Variants in TMEM131 observed in about 807,000 individuals in gnomAD.
The protein encoded by TMEM131 is 2610524E03Rik.
Under a neutral mutation model 211.6 loss-of-function variants are expected in TMEM131, and 66 were observed. That is an observed-to-expected ratio of 0.31 (90% CI 0.26 to 0.38). The LOEUF (loss-of-function observed/expected upper bound fraction) is 0.38. TMEM131 is among the 10% of genes least tolerant of loss of function. TMEM131 has a pLI of 1.00. For synonymous variants in TMEM131, 844 were observed against 841.3 expected (o/e 1.00, Z -0.06); for missense variants, 2,036 against 2,299.3 (o/e 0.89, Z 2.34).
intron 1 of TMEM131, among the ~76,000 whole-genome samples, chr2:97,931,594 T>G (rs1032318268): frequency 6.6e-6 from 1 of 152,018 alleles, no homozygotes; most frequent in Non-Finnish European, 1.5e-5. Context: ...AGTAGAAAAA[T>G]TTATGCCATA....
intron 36 of TMEM131, 124 bp from the exon 37 acceptor site, chr2:97,761,038 C>T (rs1036816665): frequency 1.3e-5 from 17 of 1,310,620 alleles, no homozygotes; most frequent in Middle Eastern, 4.0e-4. Flanking sequence ...CACAGAGCAT[C>T]GCTCAGCCTC....
At chr2:97,944,397 T>A (rs948600269) in intron 1 of TMEM131, among the ~76,000 whole-genome samples, 5 of 152,160 alleles carry the variant, frequency 3.3e-5, no homozygotes, top group South Asian at 2.1e-4. Flanking sequence ...TAGATGTAAA[T>A]CTTCATAACC....
chr2:97,879,609 C>T (rs1674839384), intron 4 of TMEM131, among the ~76,000 whole-genome samples: 1 of 152,156 alleles, frequency 6.6e-6, no homozygotes, highest in African/African-American at 2.4e-5. Context: ...GATTTTCTTC[C>T]GCCTCTGCCA....
intron 1 of TMEM131, among the ~76,000 whole-genome samples, chr2:97,983,693 A>G (rs923994393): frequency 6.6e-6 from 1 of 152,204 alleles, no homozygotes. Flanking sequence ...TTTGATCACT[A>G]GAAGCAGGGA....
intron 7 of TMEM131, among the ~76,000 whole-genome samples, chr2:97,841,011 A>T (rs1331414874): frequency 6.6e-6 from 1 of 152,212 alleles, no homozygotes; most frequent in Non-Finnish European, 1.5e-5. Flanking sequence ...CCCTATACTT[A>T]CCACAAAATA....
intron 25 of TMEM131, among the ~76,000 whole-genome samples, chr2:97,798,401 T>C (rs976711859): frequency 6.6e-6 from 1 of 152,240 alleles, no homozygotes; most frequent in Non-Finnish European, 1.5e-5. Context: ...GCATTTTGTA[T>C]TGTTTTCTAC....
intron 11 of TMEM131, among the ~76,000 whole-genome samples, chr2:97,825,870 C>G (rs1246045938): frequency 6.6e-6 from 1 of 152,228 alleles, no homozygotes; most frequent in Non-Finnish European, 1.5e-5. Flanking sequence ...ACTGTCTGGA[C>G]TACTCATGAT....
intron 1 of TMEM131, among the ~76,000 whole-genome samples, chr2:97,975,010 CA>C (rs1679469916): frequency 6.6e-6 from 1 of 152,118 alleles, no homozygotes. Context: ...CAGCAGAAGA[CA>C]TATTCTTCTC....
At chr2:97,974,774 G>C (rs1342823165) in intron 1 of TMEM131, among the ~76,000 whole-genome samples, 3 of 150,606 alleles carry the variant, frequency 2.0e-5, no homozygotes, top group South Asian at 4.2e-4. Flanking sequence ...TGAGAACAAA[G>C]GCAAAATGAA....
chr2:97,914,828 C>T (rs1676441114), intron 2 of TMEM131, among the ~76,000 whole-genome samples: 1 of 152,204 alleles, frequency 6.6e-6, no homozygotes, highest in South Asian at 2.1e-4. Context: ...AACAGAGCTG[C>T]TATGAACATT....
chr2:97,856,680 A>G (rs1011388772), intron 5 of TMEM131, among the ~76,000 whole-genome samples: 1 of 152,210 alleles, frequency 6.6e-6, no homozygotes, highest in African/African-American at 2.4e-5. Context: ...AAGAAACTCT[A>G]TTCATCTTTC....
At chr2:97,890,067 G>C (rs540887900) in intron 3 of TMEM131, among the ~76,000 whole-genome samples, 93 of 152,342 alleles carry the variant, frequency 6.1e-4, no homozygotes, top group African/African-American at 2.1e-3. Flanking sequence ...CAAGGAGGCT[G>C]AAGTGACCAC....
At chr2:97,943,256 T>C (rs1677884507) in intron 1 of TMEM131, among the ~76,000 whole-genome samples, 1 of 151,918 alleles carries the variant, frequency 6.6e-6, no homozygotes. Context: ...TCTAAAAAAA[T>C]TTAAGTAACA....
At chr2:97,871,451 G>A (rs1674485988) in intron 4 of TMEM131, among the ~76,000 whole-genome samples, 1 of 152,206 alleles carries the variant, frequency 6.6e-6, no homozygotes, top group Admixed American at 6.5e-5. Context: ...AGGGGCCTGA[G>A]ATAACCGGAC....
chr2:97,938,966 T>C (rs1230286376), intron 1 of TMEM131, among the ~76,000 whole-genome samples: 2 of 152,198 alleles, frequency 1.3e-5, no homozygotes, highest in Non-Finnish European at 2.9e-5. Context: ...AATAAAGATG[T>C]TCTTTGAAAC....
intron 4 of TMEM131, among the ~76,000 whole-genome samples, chr2:97,875,943 A>T (rs948013729): frequency 6.6e-6 from 1 of 152,220 alleles, no homozygotes; most frequent in South Asian, 2.1e-4. Flanking sequence ...GTGTTTTTGA[A>T]AAGGTCAACA....
In TMEM131 at chr2:97,818,481, G is replaced by GAAA. The variant is rs1553601703; in HGVS notation, c.1183+131_1183+132insTTT. ...TTTACAGCGGGGGGGGGCGGGGGGG[G>GAAA]ATCAACCTAAGCAGTAATATAAATT... On this transcript the variant is annotated intron_variant, in intron 12 of 40. Transcript: ENST00000186436. 40 of 293,218 alleles carry GAAA rather than the reference G, an allele frequency of 1.4e-4. 1 individual carries two copies. The highest frequency in any genetic ancestry group is 4.5e-4 in the African/African-American group (9 of 20,068). The allele number at this position is 293,218 out of a possible 1,614,324, so 18.2% of individuals were successfully genotyped here.
rs138407888 is a variant in TMEM131, at chr2:97,790,974, T to C, written c.4144+1412A>G. 8.2e-3 allele frequency among the ~76,000 whole-genome samples: 1,255 copies of C among 152,320 alleles called. 8 individuals carry two copies. The highest frequency in any genetic ancestry group is 0.012 in the Non-Finnish European group (818 of 68,014). On this transcript the variant is annotated intron_variant, in intron 31 of 40. Transcript: ENST00000186436. ...TGACTCTGGGATGTCAAGTTTCTTC[T>C]GGCCTCTTAGGGCTGCCAAGATCCC...
intron 1 of TMEM131, among the ~76,000 whole-genome samples, chr2:97,929,265 A>C (rs974384804): frequency 6.6e-6 from 1 of 151,838 alleles, no homozygotes; most frequent in African/African-American, 2.4e-5. Flanking sequence ...ACCAAAGCTG[A>C]AACAATCTGA....
Sources: gnomAD v4.1 joint callset for allele counts (sites outside exome capture counted in the v4.1 genomes callset) on GRCh38, gnomAD v4.1.1 for gene constraint, MANE v1.5 for transcripts, NCBI Gene and HGNC (gene_info 2026-07-23, HGNC 2026-07-21) for gene names.